The following AFF2 variants were observed in gnomAD, a reference collection of about 807,000 sequenced individuals.
AFF2 encodes ALF transcription elongation factor 2, also known as AF4/FMR2 family member 2.
AFF2 carries 14 observed loss-of-function variants against 76.9 expected under a neutral mutation model. The ratio of observed to expected loss-of-function variants is 0.18; its 90% CI spans 0.12 to 0.28. AFF2 has a LOEUF of 0.28. AFF2 is among the 10% of genes least tolerant of loss of function. The pLI is 1.00. For missense variants in AFF2, 868 were observed against 1,001.1 expected, an observed-to-expected ratio of 0.87 and a Z score of 1.79; for synonymous variants, 398 against 366.7, an observed-to-expected ratio of 1.09 and a Z score of -0.98.
chrX:148,683,839 G>C (rs1418243167), intron 3 of AFF2, among the ~76,000 whole-genome samples: 5 of 111,681 alleles, frequency 4.5e-5, no homozygotes, highest in Non-Finnish European at 9.4e-5. Flanking sequence ...GTTGCCTCTC[G>C]GAAGACTACT....
rs1158584802 is a variant in AFF2, at chrX:148,625,000, CT to C, written c.48-26990del. Among the ~76,000 whole-genome samples, 1,095 of 109,822 alleles carry C rather than the reference CT, an allele frequency of 1.0e-2. 6 individuals are homozygous for C. Among genetic ancestry groups the C allele is most frequent in the Non-Finnish European group, 0.016 (819 of 52,426 alleles). On this transcript the variant is annotated intron_variant, in intron 1 of 20. Transcript: ENST00000370460. ...TATGAGCTCCATTTTCTCCATTGTTCTTTTTTTTTGCATGCTAATTAGATGA... is the reference window on the plus strand; with the variant it reads ...TATGAGCTCCATTTTCTCCATTGTTCTTTTTTTTGCATGCTAATTAGATGA...
intron 3 of AFF2, among the ~76,000 whole-genome samples, chrX:148,789,858 T>C (rs1469174328): frequency 1.8e-5 from 2 of 111,770 alleles, no homozygotes; most frequent in Non-Finnish European, 3.8e-5. Flanking sequence ...AAACCTGGAA[T>C]ACCTGCTTTT....
At chrX:148,665,015 T>C (rs1452322283) in intron 3 of AFF2, among the ~76,000 whole-genome samples, 29 of 111,878 alleles carry the variant, frequency 2.6e-4, no homozygotes, top group Admixed American at 2.6e-3. Flanking sequence ...GGGGATATCA[T>C]TCTTGTTTCT....
chrX:148,514,230 G>GA (rs1470334674), intron 1 of AFF2, among the ~76,000 whole-genome samples: 1 of 111,133 alleles, frequency 9.0e-6, no homozygotes. Context: ...ATGCAAAGAG[G>GA]AAAAAAAAGA....
intron 1 of AFF2, among the ~76,000 whole-genome samples, chrX:148,553,272 C>A (rs2053015563): frequency 9.0e-6 from 1 of 111,718 alleles, no homozygotes. Flanking sequence ...CAAGCCACAT[C>A]TACAATTTTA....
At chrX:148,550,041 G>T (rs1231098739) in intron 1 of AFF2, among the ~76,000 whole-genome samples, 1 of 111,684 alleles carries the variant, frequency 9.0e-6, no homozygotes, top group Non-Finnish European at 1.9e-5. Flanking sequence ...TTATCTCTAA[G>T]ACTGGATTTT....
intron 5 of AFF2, among the ~76,000 whole-genome samples, chrX:148,838,562 C>CT (rs2070557817): frequency 8.9e-6 from 1 of 111,930 alleles, no homozygotes; most frequent in East Asian, 2.8e-4. Flanking sequence ...GATTAAGACT[C>CT]TGACAGGTGA....
chrX:148,988,141 G>A (rs1020968204), intron 20 of AFF2, among the ~76,000 whole-genome samples: 3 of 112,028 alleles, frequency 2.7e-5, no homozygotes, highest in African/African-American at 9.7e-5. Flanking sequence ...GAGTGAATCC[G>A]TGGTCTTTGG....
At chrX:148,829,145 A>T (rs782315048) in intron 4 of AFF2, among the ~76,000 whole-genome samples, 17 of 112,639 alleles carry the variant, frequency 1.5e-4, no homozygotes, top group South Asian at 7.5e-4. Flanking sequence ...TTTTTATACC[A>T]TGCCATTTAA....
At chrX:148,927,055 T>C (rs782127554) in intron 9 of AFF2, among the ~76,000 whole-genome samples, 4 of 112,562 alleles carry the variant, frequency 3.6e-5, no homozygotes, top group Non-Finnish European at 7.5e-5. Context: ...ATTATTGGTT[T>C]ACCTTTTGGT....
chrX:148,931,758 G>A (rs1208899132), intron 9 of AFF2, among the ~76,000 whole-genome samples: 1 of 111,915 alleles, frequency 8.9e-6, no homozygotes, highest in African/African-American at 3.2e-5. Context: ...TTGACTGGGT[G>A]AGTGCTGGAG....
chrX:148,661,463 T>C (rs1557257689), intron 2 of AFF2, among the ~76,000 whole-genome samples: 1 of 112,102 alleles, frequency 8.9e-6, no homozygotes, highest in African/African-American at 3.2e-5. Context: ...GCCTTTTTCA[T>C]GGTATAATGT....
intron 7 of AFF2, among the ~76,000 whole-genome samples, chrX:148,878,661 AT>A (rs1252297121): frequency 2.7e-5 from 3 of 111,548 alleles, no homozygotes; most frequent in Non-Finnish European, 5.7e-5. Context: ...CATACTTGAA[AT>A]TTTTTTTAAA....
chrX:148,804,837 T>G (rs2070106896), intron 3 of AFF2, among the ~76,000 whole-genome samples: 1 of 111,707 alleles, frequency 9.0e-6, no homozygotes, highest in Non-Finnish European at 1.9e-5. Context: ...ATAGGGACGG[T>G]TAAGGTGAGG....
intron 1 of AFF2, among the ~76,000 whole-genome samples, chrX:148,536,626 T>C (rs927776546): frequency 8.9e-6 from 1 of 112,674 alleles, no homozygotes; most frequent in African/African-American, 3.2e-5. Flanking sequence ...ATAAAGAGAA[T>C]AATAAATATC....
chrX:148,714,213 G>A (rs952945025), intron 3 of AFF2, among the ~76,000 whole-genome samples: 3 of 112,027 alleles, frequency 2.7e-5, no homozygotes, highest in African/African-American at 9.7e-5. Flanking sequence ...TTGACATGTT[G>A]TATCTTAATT....
chrX:148,531,112 T>A (rs2052724956), intron 1 of AFF2, among the ~76,000 whole-genome samples: 1 of 111,833 alleles, frequency 8.9e-6, no homozygotes, highest in East Asian at 2.8e-4. Flanking sequence ...AAAAAATATA[T>A]GGTAAAAGTA....
intron 16 of AFF2, among the ~76,000 whole-genome samples, chrX:148,976,524 C>T (rs1557290284): frequency 8.9e-6 from 1 of 112,086 alleles, no homozygotes; most frequent in Non-Finnish European, 1.9e-5. Context: ...GTCTTCTGGT[C>T]CACTTAAGCA....
In AFF2 at chrX:148,982,058, T is replaced by C. The variant is rs150008817; in HGVS notation, c.3623+1268T>C. Among the ~76,000 whole-genome samples, 413 of 111,979 alleles carry C rather than the reference T, an allele frequency of 3.7e-3. 3 individuals are homozygous for C. Among genetic ancestry groups the C allele is most frequent in the African/African-American group, 0.013 (404 of 30,812 alleles). ...ATAACCGGAGAAAGGCCCAGCTCTG[T>C]TTTCCCTGAGCACAGAGTAAAGTAA... On this transcript the variant is annotated intron_variant, in intron 19 of 20. Coordinates refer to ENST00000370460, the MANE Select transcript of AFF2 (RefSeq NM_002025.4).
Sources: gnomAD v4.1 joint callset for allele counts (sites outside exome capture counted in the v4.1 genomes callset) on GRCh38, gnomAD v4.1.1 for gene constraint, MANE v1.5 for transcripts, NCBI Gene and HGNC (gene_info 2026-07-23, HGNC 2026-07-21) for gene names.